Variants in SPMIP2 observed in about 807,000 individuals in gnomAD.
The protein encoded by SPMIP2 is protein SPMIP2.
At chr4:158,974,357 G>A in the SPMIP2 span, among the ~76,000 whole-genome samples, 149,321 of 152,288 alleles carry the variant, frequency 0.98, 73,265 homozygotes, top group East Asian at 1. Flanking sequence ...TGTGCAGAAC[G>A]TGCAGATTTG....
chr4:158,914,397 G>A, the SPMIP2 span, among the ~76,000 whole-genome samples: 1 of 152,188 alleles, frequency 6.6e-6, no homozygotes, highest in Non-Finnish European at 1.5e-5. Context: ...GGCAACAGAG[G>A]GTGAGTAATA....
the SPMIP2 span, among the ~76,000 whole-genome samples, chr4:158,987,234 G>C: frequency 6.6e-6 from 1 of 151,492 alleles, no homozygotes; most frequent in East Asian, 1.9e-4. Context: ...CAATTCCTCA[G>C]GGATCTAGAA....
the SPMIP2 span, among the ~76,000 whole-genome samples, chr4:158,937,111 A>G: frequency 2.2e-4 from 33 of 152,312 alleles, no homozygotes; most frequent in African/African-American, 7.2e-4. Context: ...CTCAGACATT[A>G]ATCTTCCTTT....
the SPMIP2 span, among the ~76,000 whole-genome samples, chr4:159,080,596 T>C: frequency 1.9e-3 from 285 of 152,326 alleles, 1 homozygote; most frequent in Non-Finnish European, 3.3e-3. Context: ...GATTCCCCAT[T>C]ATTAACACTT....
chr4:159,062,908 G>A, the SPMIP2 span, among the ~76,000 whole-genome samples: 1 of 149,416 alleles, frequency 6.7e-6, no homozygotes, highest in Non-Finnish European at 1.5e-5. Context: ...GCTCAGGTTG[G>A]TCTCAAACTC....
At chr4:158,923,328 G>C in the SPMIP2 span, among the ~76,000 whole-genome samples, 1 of 152,140 alleles carries the variant, frequency 6.6e-6, no homozygotes, top group Non-Finnish European at 1.5e-5. Context: ...CATTGAATCT[G>C]TAGATCTATT....
chr4:158,898,160 G>T, the SPMIP2 span, among the ~76,000 whole-genome samples: 7 of 151,930 alleles, frequency 4.6e-5, no homozygotes, highest in Non-Finnish European at 1.0e-4. Flanking sequence ...ATGTGTGGTG[G>T]TATTTCTGAG....
At chr4:158,963,152 C>T in the SPMIP2 span, among the ~76,000 whole-genome samples, 1 of 151,936 alleles carries the variant, frequency 6.6e-6, no homozygotes, top group Non-Finnish European at 1.5e-5. Context: ...AAAATCCATG[C>T]AGGCAGGAAA....
the SPMIP2 span, among the ~76,000 whole-genome samples, chr4:158,990,612 T>C: frequency 3.9e-5 from 6 of 152,092 alleles, no homozygotes; most frequent in East Asian, 1.2e-3. Flanking sequence ...GAAACCATCA[T>C]CCTCAGCAAA....
At chr4:158,919,104 T>TC in the SPMIP2 span, among the ~76,000 whole-genome samples, 1 of 152,198 alleles carries the variant, frequency 6.6e-6, no homozygotes. Context: ...ATATCTATCA[T>TC]CCCCCCAAGT....
chr4:159,061,099 A>ATC, the SPMIP2 span, among the ~76,000 whole-genome samples: 1 of 145,500 alleles, frequency 6.9e-6, no homozygotes, highest in Admixed American at 6.9e-5. Context: ...AAAAAAATAT[A>ATC]TATATATATA....
chr4:158,978,989 G>T, the SPMIP2 span, among the ~76,000 whole-genome samples: 5 of 152,200 alleles, frequency 3.3e-5, no homozygotes, highest in Non-Finnish European at 7.3e-5. Context: ...TCCCCCAGGT[G>T]CTCTGTCCCA....
chr4:158,894,899 A>G, the SPMIP2 span, among the ~76,000 whole-genome samples: 1 of 152,226 alleles, frequency 6.6e-6, no homozygotes, highest in Non-Finnish European at 1.5e-5. Flanking sequence ...CCAGATGGTC[A>G]AGATCAACAT....
the SPMIP2 span, among the ~76,000 whole-genome samples, chr4:158,995,082 T>C: frequency 9.9e-5 from 15 of 152,210 alleles, no homozygotes; most frequent in Admixed American, 7.9e-4. Context: ...TTCTCATTTT[T>C]TTCATTTTTC....
chr4:159,035,613 T>C, the SPMIP2 span, among the ~76,000 whole-genome samples: 2 of 152,300 alleles, frequency 1.3e-5, no homozygotes, highest in South Asian at 4.1e-4. Flanking sequence ...CACAAATATA[T>C]ATAGATATAT....
the SPMIP2 span, among the ~76,000 whole-genome samples, chr4:159,001,175 T>C: frequency 1.3e-5 from 2 of 152,212 alleles, no homozygotes; most frequent in Non-Finnish European, 2.9e-5. Context: ...GTCTTCTTAA[T>C]TGGTGCATTC....
the SPMIP2 span, among the ~76,000 whole-genome samples, chr4:158,964,329 A>G: frequency 1.3e-5 from 2 of 150,522 alleles, no homozygotes; most frequent in Admixed American, 6.7e-5. Context: ...TTCCACAACC[A>G]TATGAACTTG....
the SPMIP2 span, among the ~76,000 whole-genome samples, chr4:158,956,093 C>T: frequency 6.6e-6 from 1 of 152,242 alleles, no homozygotes; most frequent in African/African-American, 2.4e-5. Flanking sequence ...TCTTCACCGG[C>T]TGCTATAGCC....
At chr4:158,896,849 T>A in the SPMIP2 span, among the ~76,000 whole-genome samples, 4 of 151,758 alleles carry the variant, frequency 2.6e-5, no homozygotes, top group East Asian at 1.9e-4. Context: ...TAGTTTTTTT[T>A]TTATTATTAT....
Sources: allele counts gnomAD v4.1 joint callset (sites outside exome capture counted in the v4.1 genomes callset), GRCh38; gene constraint gnomAD v4.1.1; transcripts MANE v1.5; gene names NCBI Gene and HGNC (gene_info 2026-07-23, HGNC 2026-07-21).